Variants in APOB observed in about 807,000 individuals in gnomAD.
APOB encodes apolipoprotein B.
A neutral mutation model predicts 314.1 loss-of-function variants in APOB; 153 were observed. The observed-to-expected ratio is 0.49, with a 90% confidence interval of 0.43 to 0.56. The LOEUF (loss-of-function observed/expected upper bound fraction) is 0.56. APOB is among the 20% of genes least tolerant of loss of function. APOB has a pLI of 0.00. For synonymous variants in APOB, 2,087 were observed against 2,036.4 expected (o/e 1.02, Z -0.67); for missense variants, 5,430 against 5,350.7 (o/e 1.01, Z -0.46).
chr2:21,004,740 G>GA, intron 26 of APOB, 65 bp from the exon 27 acceptor site: 1 of 1,228,204 alleles, frequency 8.1e-7, no homozygotes, highest in Non-Finnish European at 1.2e-6. Context: ...TTTTCATTGT[G>GA]AAAACTGGGA....
In APOB at chr2:21,023,611, T is replaced by C; in HGVS notation, c.2518A>G (p.Thr840Ala). Residue 840 changes from threonine to alanine, a missense_variant, in exon 17 of 29, where the codon ACT becomes GCT. Thr to Ala is a moderately conservative substitution (Grantham distance 58). Transcript: ENST00000233242. Reference sequence around the variant, plus strand: ...ATTTGCAACTGTAATCCAGCTCCAGTGGGGAGTTCAAAGGCATTCTCCATG... The same window carrying C: ...ATTTGCAACTGTAATCCAGCTCCAGCGGGGAGTTCAAAGGCATTCTCCATG... ...IFMENAFELP[T>A]GAGLQLQISS... 1 of 1,614,108 alleles carries C rather than the reference T, an allele frequency of 6.2e-7. No individual in the cohort carries two copies. The highest frequency in any genetic ancestry group is 1.6e-4 in the Middle Eastern group (1 of 6,062).
chr2:21,042,582 T>C (rs1572805232), intron 2 of APOB, 106 bp from the exon 3 acceptor site: 1 of 803,766 alleles, frequency 1.2e-6, no homozygotes, highest in East Asian at 2.5e-5. Context: ...AAAATGGTAA[T>C]TCAACTCAAA....
At position 21,010,667 on chromosome 2, in the gene APOB, G is replaced by A. The variant is rs143222685; in HGVS notation, c.6201C>T (p.His2067=). Residue 2067 remains histidine (H), a synonymous_variant, in exon 26 of 29, where the codon CAC becomes CAT. Transcript: ENST00000233242. ...FVKYDKNQDV[H]SINLPFFETL... ...TCTCAAAAAATGGGAGGTTAATGGA[G>A]TGAACATCTTGGTTTTTATCATACT... 7.6e-5 allele frequency: 122 copies of A among 1,613,972 alleles called. No individual in the cohort carries two copies. Among genetic ancestry groups the A allele is most frequent in the Non-Finnish European group, 9.4e-5 (111 of 1,180,004 alleles).
rs1663244420 is a variant in APOB at position 21,009,438 on chromosome 2, A to G, written c.7430T>C (p.Val2477Ala). Reference protein sequence around the residue: ...KLFLEETKATVAVYLESLQDT... With the variant: ...KLFLEETKATAAVYLESLQDT... ...CTGTAGGCTTTCCAGATACACTGCA[A>G]CTGTGGCCTTGGTTTCCTCTAAAAA... Residue 2477 changes from valine (V) to alanine (A), a missense_variant, in exon 26 of 29, where the codon GTT (valine) becomes GCT (alanine). Val to Ala is a moderately conservative substitution (Grantham distance 64). Around this residue, in one of 3 missense-constraint regions of APOB, gnomAD observed 3,281 missense variants for 3,171.0 expected, o/e 1.03. Transcript: ENST00000233242. 1.9e-6 allele frequency: 3 copies of G among 1,613,970 alleles called. No individual in the cohort carries two copies. The highest frequency in any genetic ancestry group is 2.5e-6 in the Non-Finnish European group (3 of 1,179,986).
rs146178619 is a variant in APOB at position 21,007,098 on chromosome 2, T to C, written c.9770A>G (p.Asn3257Ser). ...TATGGTGAATGGAGACACTTCAACA[T>C]TGACAACTGGAACAGTGTATCCAGG... is the stretch of plus-strand genomic sequence containing the variant. ...QIPGYTVPVVNVEVSPFTIEM... is the reference protein window; with the variant it reads ...QIPGYTVPVVSVEVSPFTIEM... The change falls in exon 26 of 29, where the codon AAT becomes AGT. Residue 3257 changes from asparagine (N) to serine (S), a missense_variant. This residue lies in a region of APOB where 3,281 missense variants were observed against 3,171.0 expected (regional missense o/e 1.03). Transcript: ENST00000233242. 59 of 1,613,928 alleles carry C rather than the reference T, an allele frequency of 3.7e-5. No homozygotes were observed. The highest frequency in any genetic ancestry group is 4.5e-5 in the Non-Finnish European group (53 of 1,179,950).
chr2:21,008,318 A>G lies in APOB; in HGVS notation c.8550T>C (p.Ile2850=). 1 of 1,613,074 alleles carries G rather than the reference A, an allele frequency of 6.2e-7. No individual in the cohort carries two copies. The highest frequency in any genetic ancestry group is 1.3e-5 in the African/African-American group (1 of 74,962). Residue 2850 remains isoleucine, a synonymous_variant, in exon 26 of 29, where the codon ATT becomes ATC. Coordinates refer to ENST00000233242, the MANE Select transcript of APOB (RefSeq NM_000384.3). ...GSEMLFFGNA[I]EGKSNTVASL... is the part of the protein sequence containing the mutation. ...TTGCCACTGTGTTTGATTTTCCCTC[A>G]ATAGCATTTCCAAAAAACAGCATTT...
rs1299053776 is a variant in APOB, at chr2:21,010,502, A to T, written c.6366T>A (p.Ala2122=). The stretch of plus-strand genomic sequence containing the variant: ...AATTGAATGAATTCAGATAATCATT[A>T]GCTTGCTGTGGGAGTTTTCCCAGGG... The part of the protein sequence containing the change: ...RAALGKLPQQ[A]NDYLNSFNWE... The change falls in exon 26 of 29, where the codon GCT becomes GCA. Residue 2122 remains alanine, a synonymous_variant. Coordinates refer to ENST00000233242, the MANE Select transcript of APOB (RefSeq NM_000384.3). 1 of 1,610,178 alleles carries T rather than the reference A, an allele frequency of 6.2e-7. No individual in the cohort carries two copies. Among genetic ancestry groups the T allele is most frequent in the South Asian group, 1.1e-5 (1 of 90,724 alleles).
intron 10 of APOB, among the ~76,000 whole-genome samples, chr2:21,031,306 G>C (rs1663873838): frequency 6.6e-6 from 1 of 152,200 alleles, no homozygotes; most frequent in Non-Finnish European, 1.5e-5. Context: ...GCAGCAACAT[G>C]GATGGAACTG....
In APOB at chr2:21,028,360, T is replaced by G. The variant is rs1218347135; in HGVS notation, c.1796A>C (p.Asn599Thr). The G allele has an allele frequency of 2.5e-6, 4 of 1,614,040 alleles. No homozygotes were observed. Among genetic ancestry groups the G allele is most frequent in the Non-Finnish European group, 3.4e-6 (4 of 1,179,984 alleles). The change falls in exon 13 of 29, where the codon AAT becomes ACT. Residue 599 changes from asparagine to threonine, a missense_variant. This residue lies in a region of APOB where 2,085 missense variants were observed against 2,079.7 expected (regional missense o/e 1.00). Coordinates refer to ENST00000233242, the MANE Select transcript of APOB (RefSeq NM_000384.3). The part of the protein sequence containing the change: ...VKNFVASHIA[N>T]ILNSEELDIQ... Reference sequence around the variant, plus strand: ...ATCCAATTCTTCTGAGTTCAAGATATTGGCAATATGGGAAGCCACAAAGTT... The same window carrying G: ...ATCCAATTCTTCTGAGTTCAAGATAGTGGCAATATGGGAAGCCACAAAGTT...
rs868815351 is a variant in APOB at position 21,019,731 on chromosome 2, C to G, written c.2991G>C (p.Gly997=). The G allele has an allele frequency of 1.2e-6, 2 of 1,613,902 alleles. No individual in the cohort carries two copies. The highest frequency in any genetic ancestry group is 1.7e-5 in the Admixed American group (1 of 59,994). The change falls in exon 19 of 29, where the codon GGG becomes GGC. Residue 997 remains glycine (G), a synonymous_variant. Coordinates refer to ENST00000233242, the MANE Select transcript of APOB (RefSeq NM_000384.3). ...TDSASYYPLT[G]DTRLELELRP... Reference sequence around the variant, plus strand: ...CACTGAGCATCTCTAACCTGGTGTCCCCGGTCAGCGGATAGTAGGAGGCGG... The same window carrying G: ...CACTGAGCATCTCTAACCTGGTGTCGCCGGTCAGCGGATAGTAGGAGGCGG...
In APOB at chr2:21,002,247, C is replaced by T. The variant is rs777718986; in HGVS notation, c.13175G>A (p.Ser4392Asn). 91 of 1,613,856 alleles carry T rather than the reference C, an allele frequency of 5.6e-5. No homozygotes were observed. The highest frequency in any genetic ancestry group is 3.1e-5 in the Non-Finnish European group (37 of 1,179,960). Residue 4392 changes from serine (S) to asparagine (N), a missense_variant, in exon 29 of 29, where the codon AGT becomes AAT. Ser to Asn is a conservative substitution (Grantham distance 46). Transcript: ENST00000233242. ...MALREEYFDP[S>N]IVGWTVKYYE... ...ATATTTCACTGTCCAGCCAACTATA[C>T]TTGGATCAAAATATTCTTCACGAAG...
At position 21,006,297 on chromosome 2, in the gene APOB, T is replaced by G. The variant is rs750035232; in HGVS notation, c.10571A>C (p.Lys3524Thr). Reference sequence around the variant, plus strand: ...CAGCTTCACTGAAGACCGTGTGCTCTTGGAATTCAAGTAAGTGTTGGCCTC... The same window carrying G: ...CAGCTTCACTGAAGACCGTGTGCTCGTGGAATTCAAGTAAGTGTTGGCCTC... ...ASEANTYLNS[K>T]STRSSVKLQG... The change falls in exon 26 of 29, where the codon AAG (lysine) becomes ACG (threonine). Residue 3524 changes from lysine to threonine, a missense_variant. Physicochemically the swap from Lys to Thr is moderately conservative, Grantham distance 78 (BLOSUM62 -1). Coordinates refer to ENST00000233242, the MANE Select transcript of APOB (RefSeq NM_000384.3). The G allele has an allele frequency of 9.3e-6, 15 of 1,614,096 alleles. No homozygotes were observed. Among genetic ancestry groups the G allele is most frequent in the Non-Finnish European group, 1.3e-5 (15 of 1,179,978 alleles).
Position 21,006,893 on chromosome 2 carries a change from G to T in APOB, c.9975C>A (p.Thr3325=), listed in dbSNP as rs1226284347. ...LSLPDFKELC[T]ISHIFIPAMG... The stretch of plus-strand genomic sequence containing the variant: ...TGGCAGGAATAAAAATATGGCTTAT[G>T]GTACACAATTCCTTGAAATCTGGAA... The change falls in exon 26 of 29, where the codon ACC becomes ACA. Residue 3325 remains threonine, a synonymous_variant. Transcript: ENST00000233242. The T allele has an allele frequency of 4.3e-6, 7 of 1,613,890 alleles. No homozygotes were observed. The highest frequency in any genetic ancestry group is 1.6e-4 in the Middle Eastern group (1 of 6,084).
Position 21,037,089 on chromosome 2 carries a change from A to G in APOB, c.693+11T>C. 6.2e-7 allele frequency: 1 copy of G among 1,614,184 alleles called. No individual in the cohort carries two copies. The highest frequency in any genetic ancestry group is 1.1e-5 in the South Asian group (1 of 91,076). ...CCTTGCTGTGCACGACAGTGCTGAC[A>G]TGGGACTTACCATGCCTTTGATGAG... On this transcript the variant is annotated intron_variant, in intron 6 of 28. Coordinates refer to ENST00000233242, the MANE Select transcript of APOB (RefSeq NM_000384.3).
rs373961682 is a variant in APOB, at chr2:21,008,260, T to C, written c.8608A>G (p.Ser2870Gly). 124 of 1,613,940 alleles carry C rather than the reference T, an allele frequency of 7.7e-5. No homozygotes were observed. Among genetic ancestry groups the C allele is most frequent in the Non-Finnish European group, 9.6e-5 (113 of 1,179,950 alleles). The change falls in exon 26 of 29, where the codon AGT (serine) becomes GGT (glycine). Residue 2870 changes from serine to glycine, a missense_variant. This residue lies in a region of APOB where 3,281 missense variants were observed against 3,171.0 expected (regional missense o/e 1.03). Transcript: ENST00000233242. ...TTTATCTTGACAATCACTCCATTAC[T>C]AAGCTCCAGTGTATTTTTTTCTGTG... ...LHTEKNTLEL[S>G]NGVIVKINNQ... is the part of the protein sequence containing the mutation.
chr2:21,008,975 T>C lies in APOB; in HGVS notation c.7893A>G (p.Ile2631Met), dbSNP rs1159771283. The C allele has an allele frequency of 5.0e-6, 8 of 1,613,970 alleles. No homozygotes were observed. The highest frequency in any genetic ancestry group is 6.8e-6 in the Non-Finnish European group (8 of 1,179,960). ...TTATATTTTTTAAGTCTTTGAAGTTTATCTGAACTGATGGAATCCTCAAAT... is the reference window on the plus strand; with the variant it reads ...TTATATTTTTTAAGTCTTTGAAGTTCATCTGAACTGATGGAATCCTCAAAT... ...LTDLRIPSVQINFKDLKNIKI... is the reference protein window; with the variant it reads ...LTDLRIPSVQMNFKDLKNIKI... The change falls in exon 26 of 29, where the codon ATA (isoleucine) becomes ATG (methionine). Residue 2631 changes from isoleucine to methionine, a missense_variant. Transcript: ENST00000233242.
chr2:21,019,818 T>C lies in APOB; in HGVS notation c.2904A>G (p.Gln968=). 1 of 1,614,124 alleles carries C rather than the reference T, an allele frequency of 6.2e-7. No homozygotes were observed. The highest frequency in any genetic ancestry group is 8.5e-7 in the Non-Finnish European group (1 of 1,180,018). The change falls in exon 19 of 29, where the codon CAA becomes CAG. Residue 968 remains glutamine, a synonymous_variant. Coordinates refer to ENST00000233242, the MANE Select transcript of APOB (RefSeq NM_000384.3). ...ENRQSWSVCK[Q]VFPGLNYCTS... ...TGCAGTAATTCAGGCCAGGAAAGAC[T>C]TGCTTGCAAACTGACCAGGACTGCC... is the stretch of plus-strand genomic sequence containing the variant.
Position 21,037,271 on chromosome 2 carries a change from A to G in APOB, c.538-16T>C. ...ACACGGTATCCTATGGAGGAAGAAG[A>G]TGCAACCACATGTATTCAACACGGG... On this transcript the variant is annotated splice_polypyrimidine_tract_variant and intron_variant, in intron 5 of 28. Coordinates refer to ENST00000233242, the MANE Select transcript of APOB (RefSeq NM_000384.3). The G allele has an allele frequency of 6.2e-7, 1 of 1,613,018 alleles. No homozygotes were observed. Among genetic ancestry groups the G allele is most frequent in the Non-Finnish European group, 8.5e-7 (1 of 1,179,204 alleles).
rs773822083 is a variant in APOB at position 21,001,842 on chromosome 2, T to A, written c.13580A>T (p.Asn4527Ile). 1 of 1,614,086 alleles carries A rather than the reference T, an allele frequency of 6.2e-7. No homozygotes were observed. ...GATGTATATCAGAAATGTGTGGTAG[T>A]TTTGAATGGACAGGTCAATCAATCT... Reference protein sequence around the residue: ...SKRLIDLSIQNYHTFLIYITE... With the variant: ...SKRLIDLSIQIYHTFLIYITE... Residue 4527 changes from asparagine (N) to isoleucine (I), a missense_variant, in exon 29 of 29, where the codon AAC (asparagine) becomes ATC (isoleucine). Around this residue, in one of 3 missense-constraint regions of APOB, gnomAD observed 3,281 missense variants for 3,171.0 expected, o/e 1.03. Transcript: ENST00000233242.
Sources: gnomAD v4.1 joint callset for allele counts (sites outside exome capture counted in the v4.1 genomes callset) on GRCh38, gnomAD v4.1.1 for gene constraint, gnomAD v4.1.1 regional missense constraint, MANE v1.5 for transcripts, NCBI Gene and HGNC (gene_info 2026-07-23, HGNC 2026-07-21) for gene names.